Variants in AHNAK observed in about 807,000 individuals in gnomAD.
The protein encoded by AHNAK is neuroblast differentiation-associated protein AHNAK.
AHNAK carries 23 observed loss-of-function variants against 37.8 expected under a neutral mutation model. That is an observed-to-expected ratio of 0.61 (90% CI 0.44 to 0.86). The LOEUF (loss-of-function observed/expected upper bound fraction) is 0.86, where lower values mean the gene tolerates loss of function less well. Among genes scored for constraint, AHNAK ranks in the 40% least tolerant of loss-of-function variants. The pLI is 0.00. For missense variants in AHNAK, 7,411 were observed against 7,319.4 expected (o/e 1.01, Z -0.46); for synonymous variants, 2,481 against 2,636.3 (o/e 0.94, Z 1.80).
In AHNAK at chr11:62,519,686, T is replaced by A; in HGVS notation, c.14731A>T (p.Ile4911Leu). The stretch of plus-strand genomic sequence containing the variant: ...GGAGCAGTTACTTTAGGAGCAGATA[T>A]CTCCAGCGATGGCATCTTCAAAGAT... ...GPSLKMPSLE[I>L]SAPKVTAPDV... Residue 4911 changes from isoleucine to leucine, a missense_variant, in exon 5 of 5, where the codon ATA (isoleucine) becomes TTA (leucine). Coordinates refer to ENST00000378024, the MANE Select transcript of AHNAK (RefSeq NM_001620.3). 6.2e-7 allele frequency: 1 copy of A among 1,614,014 alleles called. No homozygotes were observed. Among genetic ancestry groups the A allele is most frequent in the South Asian group, 1.1e-5 (1 of 91,042 alleles).
At chr11:62,476,092 C>T (rs1235309235) in intron 5 of AHNAK, among the ~76,000 whole-genome samples, 2 of 152,176 alleles carry the variant, frequency 1.3e-5, no homozygotes, top group African/African-American at 2.4e-5. Flanking sequence ...TCAATGCATT[C>T]GGCCCAGGAA....
In AHNAK at chr11:62,524,822, C is replaced by G. The variant is rs1306321909; in HGVS notation, c.9595G>C (p.Asp3199His). 6.2e-7 allele frequency: 1 copy of G among 1,614,084 alleles called. No individual in the cohort carries two copies. The highest frequency in any genetic ancestry group is 1.3e-5 in the African/African-American group (1 of 74,918). Residue 3199 changes from aspartate to histidine, a missense_variant, in exon 5 of 5, where the codon GAT (aspartate) becomes CAT (histidine). Physicochemically the swap from Asp to His is moderately conservative, Grantham distance 81. Coordinates refer to ENST00000378024, the MANE Select transcript of AHNAK (RefSeq NM_001620.3). ...AATTTAGGGCCCTTCAGTTTCGCAT[C>G]TGGACCTTCAATATTCACATCTGGA... is the stretch of plus-strand genomic sequence containing the variant. ...DVPDVNIEGP[D>H]AKLKGPKFKM...
chr11:62,467,754 G>A (rs1169200227), intron 5 of AHNAK, among the ~76,000 whole-genome samples: 1 of 152,176 alleles, frequency 6.6e-6, no homozygotes, highest in African/African-American at 2.4e-5. Context: ...TCTTAGCTGT[G>A]ATTGGTTTGG....
chr11:62,480,648 A>C (rs1021245579), intron 5 of AHNAK, among the ~76,000 whole-genome samples: 1 of 151,506 alleles, frequency 6.6e-6, no homozygotes, highest in Non-Finnish European at 1.5e-5. Flanking sequence ...GTGACAGAGC[A>C]AGACTCTATC....
intron 4 of AHNAK, among the ~76,000 whole-genome samples, chr11:62,496,567 C>A (rs977795289): frequency 3.3e-5 from 5 of 152,056 alleles, no homozygotes; most frequent in Admixed American, 2.6e-4. Context: ...GAGGCCGAGG[C>A]GGGCAGATCA....
At chr11:62,508,531 C>A (rs1281259178) in intron 4 of AHNAK, among the ~76,000 whole-genome samples, 1 of 152,222 alleles carries the variant, frequency 6.6e-6, no homozygotes, top group African/African-American at 2.4e-5. Context: ...CATCCTTGGC[C>A]CCACTACTGG....
At chr11:62,469,828 G>A (rs1565204817) in intron 5 of AHNAK, among the ~76,000 whole-genome samples, 3 of 152,142 alleles carry the variant, frequency 2.0e-5, no homozygotes, top group Non-Finnish European at 4.4e-5. Flanking sequence ...AGGGGGAGAG[G>A]TGTCAGAAAC....
At position 62,530,468 on chromosome 11, in the gene AHNAK, G is replaced by A; in HGVS notation, c.3949C>T (p.His1317Tyr). 2 of 1,613,432 alleles carry A rather than the reference G, an allele frequency of 1.2e-6. No individual in the cohort carries two copies. Among genetic ancestry groups the A allele is most frequent in the Non-Finnish European group, 1.7e-6 (2 of 1,179,894 alleles). ...ATGGAGATCTTGGGGGCCTTGAAGT[G>A]CATCTCAGGCATCTTAAACTTGGGG... Reference protein sequence around the residue: ...KGPKFKMPEMHFKAPKISMPD... With the variant: ...KGPKFKMPEMYFKAPKISMPD... The change falls in exon 5 of 5, where the codon CAC becomes TAC. Residue 1317 changes from histidine to tyrosine, a missense_variant. By Grantham distance (83) the His-to-Tyr change is moderately conservative. Coordinates refer to ENST00000378024, the MANE Select transcript of AHNAK (RefSeq NM_001620.3).
intron 1 of AHNAK, among the ~76,000 whole-genome samples, chr11:62,540,689 C>T (rs997697360): frequency 2.6e-5 from 4 of 152,134 alleles, no homozygotes; most frequent in Admixed American, 2.0e-4. Flanking sequence ...AAAGAAGGAG[C>T]AGGGCCAGAG....
At position 62,516,098 on chromosome 11, in the gene AHNAK, T is replaced by C. The variant is rs1302087303; in HGVS notation, c.*646A>G. The C allele has an allele frequency of 1.6e-6, 2 of 1,255,974 alleles. No homozygotes were observed. The highest frequency in any genetic ancestry group is 1.5e-5 in the African/African-American group (1 of 64,824). 77.8% of individuals were successfully genotyped at this position (1,255,974 alleles called of 1,614,324 possible). A position where few individuals can be genotyped will look rare whatever the true frequency, so the allele number is the denominator to read the frequency against. On this transcript the variant is annotated 3_prime_UTR_variant, in exon 5 of 5. Coordinates refer to ENST00000378024, the MANE Select transcript of AHNAK (RefSeq NM_001620.3). The stretch of plus-strand genomic sequence containing the variant: ...AAACACAGAAAATGGAAGCCCCTCA[T>C]GTTGAGGGGGTGGGTTGGACAATTT...
intron 5 of AHNAK, among the ~76,000 whole-genome samples, chr11:62,472,858 G>A (rs1374140268): frequency 6.6e-5 from 10 of 151,938 alleles, no homozygotes; most frequent in Non-Finnish European, 1.2e-4. Context: ...AGGCCAAGGC[G>A]GGTGGATCGC....
Position 62,524,951 on chromosome 11 carries a change from G to A in AHNAK, c.9466C>T (p.Pro3156Ser), listed in dbSNP as rs755003462. ...WHLKMPKIKM[P>S]KISMPGFKGE... ...TTGAAGCCAGGCATGCTGATCTTGG[G>A]CATTTTTATTTTAGGCATCTTCAGG... Residue 3156 changes from proline (P) to serine (S), a missense_variant, in exon 5 of 5, where the codon CCC becomes TCC. By Grantham distance (74) the Pro-to-Ser change is moderately conservative (BLOSUM62 -1). Coordinates refer to ENST00000378024, the MANE Select transcript of AHNAK (RefSeq NM_001620.3). 3.1e-6 allele frequency: 5 copies of A among 1,613,640 alleles called. No homozygotes were observed. The highest frequency in any genetic ancestry group is 4.2e-6 in the Non-Finnish European group (5 of 1,179,962).
intron 1 of AHNAK, among the ~76,000 whole-genome samples, chr11:62,541,635 C>T (rs531024126): frequency 6.6e-6 from 1 of 152,320 alleles, no homozygotes; most frequent in South Asian, 2.1e-4. Context: ...TTCTGCAGAG[C>T]GCTCTGATGT....
At chr11:62,462,567 CTT>C in intron 5 of AHNAK, among the ~76,000 whole-genome samples, 1 of 152,150 alleles carries the variant, frequency 6.6e-6, no homozygotes, top group Non-Finnish European at 1.5e-5. Flanking sequence ...GTTAGATGAG[CTT>C]TGAAGGGGCA....
rs754584017 is a variant in AHNAK at position 62,517,314 on chromosome 11, T to C, written c.17103A>G (p.Glu5701=). The C allele has an allele frequency of 3.7e-6, 6 of 1,614,196 alleles. No homozygotes were observed. In the East Asian group the frequency reaches 1.3e-4, roughly 36 times the overall value. ...IQAGAGDGEW[E]ESEVKLKKSK... is the part of the protein sequence containing the mutation. ...ACTTTTTCAGTTTGACTTCAGACTC[T>C]TCCCACTCGCCGTCTCCAGCACCAG... The change falls in exon 5 of 5, where the codon GAA becomes GAG. Residue 5701 remains glutamate (E), a synonymous_variant. Coordinates refer to ENST00000378024, the MANE Select transcript of AHNAK (RefSeq NM_001620.3).
intron 5 of AHNAK, among the ~76,000 whole-genome samples, chr11:62,483,340 G>T (rs1939314091): frequency 6.6e-6 from 1 of 152,206 alleles, no homozygotes; most frequent in Admixed American, 6.5e-5. Context: ...AATTTGAAGA[G>T]AACTGGTGGA....
rs577024685 is a variant in AHNAK, at chr11:62,480,998, G to A, written c.442+10734C>T. ...CTCCTGTGAGTAACCGATGAAACCC[G>A]AGGCGCTCCTGTAGCTCCTGGGCTG... On this transcript the variant is annotated intron_variant, in intron 5 of 5. Transcript: ENST00000257247. Among the ~76,000 whole-genome samples the A allele has an allele frequency of 5.9e-5, 9 of 152,096 alleles. No homozygotes were observed. In the East Asian group the frequency reaches 1.2e-3, roughly 20 times the overall value.
At chr11:62,496,086 T>C (rs1939604890) in intron 4 of AHNAK, among the ~76,000 whole-genome samples, 1 of 151,122 alleles carries the variant, frequency 6.6e-6, no homozygotes, top group African/African-American at 2.4e-5. Context: ...ATAACGTTAA[T>C]ATTACTAAAA....
chr11:62,480,368 A>G (rs925321703), intron 5 of AHNAK, among the ~76,000 whole-genome samples: 1 of 152,108 alleles, frequency 6.6e-6, no homozygotes. Context: ...TTAACAGAGA[A>G]AGGCCTGACT....
Sources: allele counts gnomAD v4.1 joint callset (sites outside exome capture counted in the v4.1 genomes callset), GRCh38; gene constraint gnomAD v4.1.1; transcripts MANE v1.5; gene names NCBI Gene and HGNC (gene_info 2026-07-23, HGNC 2026-07-21).